TACR1: variants seen among roughly 807,000 people sequenced by gnomAD.
The protein encoded by TACR1 is substance-P receptor.
In TACR1, 25 loss-of-function variants were observed where a neutral mutation model predicts 35.8. The observed-to-expected ratio is 0.70, with a 90% CI of 0.51 to 0.98. The LOEUF (loss-of-function observed/expected upper bound fraction) is 0.98. Ranked by LOEUF, TACR1 falls within the 50% of genes least tolerant of loss-of-function variation. The pLI is 0.00. For missense variants in TACR1, 478 were observed against 522.9 expected (o/e 0.91, Z 0.84); for synonymous variants, 195 against 206.7 (o/e 0.94, Z 0.48).
At chr2:75,126,386 G>A (rs1572945013) in intron 1 of TACR1, among the ~76,000 whole-genome samples, 1 of 152,262 alleles carries the variant, frequency 6.6e-6, no homozygotes, top group Non-Finnish European at 1.5e-5. Context: ...TAGTACTGCA[G>A]TGAACATATG....
chr2:75,056,803 T>A (rs1380832943), intron 2 of TACR1, among the ~76,000 whole-genome samples: 2 of 152,152 alleles, frequency 1.3e-5, no homozygotes, highest in Non-Finnish European at 2.9e-5. Flanking sequence ...ACAAAAAAAA[T>A]GGGCTTAATT....
intron 1 of TACR1, among the ~76,000 whole-genome samples, chr2:75,128,648 G>T (rs756023458): frequency 1.3e-5 from 2 of 152,166 alleles, no homozygotes; most frequent in Non-Finnish European, 2.9e-5. Context: ...GGAAGACAGA[G>T]CGCGCATTTT....
At chr2:75,178,562 A>G (rs561192322) in intron 1 of TACR1, among the ~76,000 whole-genome samples, 1 of 152,190 alleles carries the variant, frequency 6.6e-6, no homozygotes, top group South Asian at 2.1e-4. Context: ...CCTTAAATCA[A>G]TGACCTTTCT....
chr2:75,105,082 A>C (rs1418000279), intron 2 of TACR1, among the ~76,000 whole-genome samples: 1 of 152,152 alleles, frequency 6.6e-6, no homozygotes, highest in African/African-American at 2.4e-5. Flanking sequence ...AGATATTTGC[A>C]CTTCCATGTT....
In TACR1 at chr2:75,198,661, A is replaced by C. The variant is rs1368013417; in HGVS notation, c.274T>G (p.Tyr92Asp). Residue 92 changes from tyrosine (Y) to aspartate (D), a missense_variant, in exon 1 of 5, where the codon TAT becomes GAT. Transcript: ENST00000305249. Reference sequence around the variant, plus strand: ...TAGTACCATTCGTTGTGGACAGCATAGGTGAAGTTCACCACTGTATTGAAT... The same window carrying C: ...TAGTACCATTCGTTGTGGACAGCATCGGTGAAGTTCACCACTGTATTGAAT... ...AAFNTVVNFT[Y>D]AVHNEWYYGL... 1 of 1,614,250 alleles carries C rather than the reference A, an allele frequency of 6.2e-7. No homozygotes were observed. The highest frequency in any genetic ancestry group is 8.5e-7 in the Non-Finnish European group (1 of 1,180,040).
chr2:75,181,070 A>C (rs1311743873), intron 1 of TACR1, among the ~76,000 whole-genome samples: 1 of 152,168 alleles, frequency 6.6e-6, no homozygotes, highest in East Asian at 1.9e-4. Context: ...TCTTGCAAAC[A>C]TCTAATGGCC....
chr2:75,059,180 A>G (rs777640651), intron 2 of TACR1, among the ~76,000 whole-genome samples: 2 of 152,184 alleles, frequency 1.3e-5, no homozygotes, highest in Non-Finnish European at 2.9e-5. Flanking sequence ...GTGCATTACC[A>G]TTCTTTGCAA....
intron 1 of TACR1, among the ~76,000 whole-genome samples, chr2:75,128,479 T>C (rs1271349888): frequency 1.3e-5 from 2 of 152,196 alleles, no homozygotes; most frequent in Admixed American, 6.5e-5. Context: ...TTGTGTATAA[T>C]ATTCTGAGTG....
rs965304748 is a variant in TACR1 at position 75,048,891 on chromosome 2, A to G, written c.*541T>C. 2.0e-5 allele frequency: 3 copies of G among 153,642 alleles called. No homozygotes were observed. Among genetic ancestry groups the G allele is most frequent in the Admixed American group, 6.4e-5 (1 of 15,510 alleles). 9.5% of individuals were successfully genotyped at this position (153,642 alleles called of 1,614,324 possible). A position where few individuals can be genotyped will look rare whatever the true frequency, so the allele number is the denominator to read the frequency against. Reference sequence around the variant, plus strand: ...AAATACTGAGATGCCAAAAAGGGGAATACATATGTTTCTTTTCACAGATGC... The same window carrying G: ...AAATACTGAGATGCCAAAAAGGGGAGTACATATGTTTCTTTTCACAGATGC... On this transcript the variant is annotated 3_prime_UTR_variant, in exon 5 of 5. Coordinates refer to ENST00000305249, the MANE Select transcript of TACR1 (RefSeq NM_001058.4).
chr2:75,083,329 C>T (rs1317672588), intron 2 of TACR1, among the ~76,000 whole-genome samples: 2 of 152,078 alleles, frequency 1.3e-5, no homozygotes, highest in Non-Finnish European at 2.9e-5. Context: ...GTTACTGTAG[C>T]CTTGTAGTAT....
chr2:75,047,720 C>T lies in TACR1; in HGVS notation c.*1712G>A, dbSNP rs1672391072. 6.6e-6 allele frequency: 1 copy of T among 152,218 alleles called. No individual in the cohort carries two copies. The highest frequency in any genetic ancestry group is 2.4e-5 in the African/African-American group (1 of 41,454). 9.4% of individuals were successfully genotyped at this position (152,218 alleles called of 1,614,324 possible). ...CTTAGTTTATTTAAAACTTTCCATG[C>T]TGCTTTAGAGAATGTAGTTCTTGAG... On this transcript the variant is annotated 3_prime_UTR_variant, in exon 5 of 5. Transcript: ENST00000305249.
chr2:75,139,239 T>C (rs1281199870), intron 1 of TACR1, among the ~76,000 whole-genome samples: 1 of 152,194 alleles, frequency 6.6e-6, no homozygotes, highest in Non-Finnish European at 1.5e-5. Flanking sequence ...ATCAGTCAGG[T>C]ATTACCATCC....
intron 2 of TACR1, among the ~76,000 whole-genome samples, chr2:75,085,336 T>G (rs2103841243): frequency 6.6e-6 from 1 of 152,218 alleles, no homozygotes. Flanking sequence ...GAGATAAATT[T>G]GAGGATCTTC....
intron 1 of TACR1, among the ~76,000 whole-genome samples, chr2:75,131,179 C>T (rs1265912886): frequency 6.6e-6 from 1 of 151,938 alleles, no homozygotes; most frequent in African/African-American, 2.4e-5. Flanking sequence ...AGCTCCGCCT[C>T]CTGGGTTCAC....
At chr2:75,163,367 T>C (rs975849634) in intron 1 of TACR1, among the ~76,000 whole-genome samples, 2 of 152,222 alleles carry the variant, frequency 1.3e-5, no homozygotes, top group Non-Finnish European at 2.9e-5. Flanking sequence ...TTGCCTTGAA[T>C]GAAAATGTGA....
In TACR1 at chr2:75,047,698, A is replaced by C. The variant is rs1431440820; in HGVS notation, c.*1734T>G. 6.6e-6 allele frequency: 1 copy of C among 152,240 alleles called. No individual in the cohort carries two copies. Among genetic ancestry groups the C allele is most frequent in the Non-Finnish European group, 1.5e-5 (1 of 68,052 alleles). 9.4% of individuals were successfully genotyped at this position (152,240 alleles called of 1,614,324 possible). On this transcript the variant is annotated 3_prime_UTR_variant, in exon 5 of 5. Transcript: ENST00000305249. ...TATCTGCAATGATCTGGCTTCACTT[A>C]GTTTATTTAAAACTTTCCATGCTGC... is the stretch of plus-strand genomic sequence containing the variant.
intron 2 of TACR1, among the ~76,000 whole-genome samples, chr2:75,082,463 T>G (rs903104430): frequency 6.6e-6 from 1 of 152,214 alleles, no homozygotes; most frequent in African/African-American, 2.4e-5. Flanking sequence ...CTGGGTCAAA[T>G]GGTATTTCCA....
intron 1 of TACR1, chr2:75,188,720 G>A (rs1445825444): frequency 6.6e-6 from 1 of 152,226 alleles, no homozygotes; most frequent in Non-Finnish European, 1.5e-5. Flanking sequence ...TCCAGTTGGA[G>A]GATTCAAGGG....
intron 1 of TACR1, among the ~76,000 whole-genome samples, chr2:75,147,912 T>A (rs1041284286): frequency 6.6e-6 from 1 of 151,964 alleles, no homozygotes. Flanking sequence ...ACCTGGCTAA[T>A]TTTTTGTATT....
Sources: gnomAD v4.1 joint callset for allele counts (sites outside exome capture counted in the v4.1 genomes callset) on GRCh38, gnomAD v4.1.1 for gene constraint, MANE v1.5 for transcripts, NCBI Gene and HGNC (gene_info 2026-07-23, HGNC 2026-07-21) for gene names.